The following FGD4 variants were observed in gnomAD, a reference collection of about 807,000 sequenced individuals.
FGD4 encodes FYVE, RhoGEF and PH domain-containing protein 4.
FGD4 carries 42 observed loss-of-function variants against 102.0 expected under a neutral mutation model. The ratio of observed to expected loss-of-function variants is 0.41; its 90% CI spans 0.32 to 0.53. The LOEUF is 0.53. Among genes scored for constraint, FGD4 ranks in the 20% least tolerant of loss-of-function variants. The probability of loss-of-function intolerance (pLI) is 0.21; values close to 1 mark genes in which losing one functional copy is unlikely to be tolerated. For missense variants in FGD4, 902 were observed against 1,078.2 expected (o/e 0.84, Z 2.29); for synonymous variants, 380 against 375.7 (o/e 1.01, Z -0.13).
At chr12:32,535,283 C>T (rs1942150186) in intron 1 of FGD4, among the ~76,000 whole-genome samples, 1 of 152,186 alleles carries the variant, frequency 6.6e-6, no homozygotes, top group South Asian at 2.1e-4. Context: ...ACAAGATAAA[C>T]TACAACTTAG....
chr12:32,602,083 A>C, intron 6 of FGD4, 78 bp from the exon 7 acceptor site: 1 of 1,336,462 alleles, frequency 7.5e-7, no homozygotes, highest in Non-Finnish European at 1.1e-6. Context: ...CCACTGCACT[A>C]CAGTCTGGGT....
chr12:32,508,529 C>T (rs1565786247), intron 1 of FGD4, among the ~76,000 whole-genome samples: 1 of 152,172 alleles, frequency 6.6e-6, no homozygotes, highest in African/African-American at 2.4e-5. Flanking sequence ...GCACAGAAAG[C>T]AAAACTTGGA....
Position 32,507,018 on chromosome 12 carries a change from T to C in FGD4, c.167-57119T>C, listed in dbSNP as rs531127607. 1.4e-3 allele frequency among the ~76,000 whole-genome samples: 207 copies of C among 151,928 alleles called. 1 individual carries two copies. The highest frequency in any genetic ancestry group is 4.8e-3 in the African/African-American group (198 of 41,456). ...TATGTATACATGTGTCATGCTGGTG[T>C]GCTGCACCCATTAACTCGTCATTTA... On this transcript the variant is annotated intron_variant, in intron 1 of 16. Coordinates refer to ENST00000534526, the MANE Select transcript of FGD4 (RefSeq NM_001370298.3).
At chr12:32,570,005 G>A (rs1482508535) in intron 2 of FGD4, among the ~76,000 whole-genome samples, 1 of 152,078 alleles carries the variant, frequency 6.6e-6, no homozygotes, top group East Asian at 1.9e-4. Context: ...CACTTTGGGA[G>A]GCCGAGGTGG....
At chr12:32,413,505 A>G (rs1591851631) in intron 1 of FGD4, among the ~76,000 whole-genome samples, 1 of 152,240 alleles carries the variant, frequency 6.6e-6, no homozygotes, top group South Asian at 2.1e-4. Context: ...CATAATTTTA[A>G]TACCACTGTT....
intron 1 of FGD4, among the ~76,000 whole-genome samples, chr12:32,495,342 T>G (rs553533955): frequency 6.6e-6 from 1 of 152,300 alleles, no homozygotes; most frequent in Non-Finnish European, 1.5e-5. Flanking sequence ...TTTCACTGGT[T>G]ATGCTTTGGT....
Position 32,599,548 on chromosome 12 carries a change from TTTTTTTTTTTTTTTTTG to T in FGD4, c.1101+963_1101+979del, listed in dbSNP as rs1307867036. Among the ~76,000 whole-genome samples, 48 of 57,558 alleles carry T rather than the reference TTTTTTTTTTTTTTTTTG, an allele frequency of 8.3e-4. 2 individuals carry two copies. Among genetic ancestry groups the T allele is most frequent in the South Asian group, 7.9e-3 (11 of 1,388 alleles). 37.8% of individuals were successfully genotyped at this position (57,558 alleles called of 152,430 possible). Reference sequence around the variant, plus strand: ...AACTAAGGCATCTTTTTTTTTTTTTTTTTTTTTTTTTTTTTTGGAGATGGAGTCTGGCCCTGTCGCCC... The same window carrying T: ...AACTAAGGCATCTTTTTTTTTTTTTTGAGATGGAGTCTGGCCCTGTCGCCC... On this transcript the variant is annotated intron_variant, in intron 5 of 16. Transcript: ENST00000534526.
intron 15 of FGD4, among the ~76,000 whole-genome samples, chr12:32,636,294 A>G (rs780208109): frequency 2.0e-5 from 3 of 151,976 alleles, no homozygotes; most frequent in Non-Finnish European, 4.4e-5. Flanking sequence ...TCCTAGCACC[A>G]AGGCTGAGGT....
intron 1 of FGD4, among the ~76,000 whole-genome samples, chr12:32,542,040 A>G (rs924358596): frequency 8.5e-5 from 13 of 152,164 alleles, no homozygotes; most frequent in Non-Finnish European, 1.5e-4. Context: ...CCTTGGAACA[A>G]ATGATAGTGT....
intron 1 of FGD4, among the ~76,000 whole-genome samples, chr12:32,559,660 G>A (rs182860742): frequency 2.1e-3 from 327 of 152,272 alleles, no homozygotes; most frequent in African/African-American, 7.0e-3. Context: ...TGGCACATTC[G>A]TGGGAGATAT....
At chr12:32,638,543 T>G in intron 15 of FGD4, 112 bp from the exon 16 acceptor site, 1 of 1,396,236 alleles carries the variant, frequency 7.2e-7, no homozygotes, top group Non-Finnish European at 9.9e-7. Flanking sequence ...TGCAAATGAA[T>G]CTTTTTTGGA....
chr12:32,424,435 G>A (rs1409930529), intron 1 of FGD4, among the ~76,000 whole-genome samples: 1 of 152,132 alleles, frequency 6.6e-6, no homozygotes, highest in Non-Finnish European at 1.5e-5. Context: ...ATTCCATGGT[G>A]TATATGTGTC....
At chr12:32,403,805 T>C (rs949788560) in intron 1 of FGD4, among the ~76,000 whole-genome samples, 8 of 152,018 alleles carry the variant, frequency 5.3e-5, no homozygotes, top group Admixed American at 3.3e-4. Flanking sequence ...CCTTGTTGGC[T>C]AGGATGGTCT....
intron 1 of FGD4, among the ~76,000 whole-genome samples, chr12:32,481,960 ATTGGGCAGT>A (rs1288698615): frequency 9.2e-5 from 14 of 152,242 alleles, no homozygotes; most frequent in Admixed American, 3.3e-4. Flanking sequence ...ATAAAGTTCA[ATTGGGCAGT>A]CTGCTTTAAA....
In FGD4 at chr12:32,641,297, A is replaced by AT. The variant is rs1455363156; in HGVS notation, c.*767dup. On this transcript the variant is annotated 3_prime_UTR_variant, in exon 17 of 17. Coordinates refer to ENST00000534526, the MANE Select transcript of FGD4 (RefSeq NM_001370298.3). ...GGTGATTTATGTTTTGCTGATTGGC[A>AT]TTTGAGGGTATTGATATTTTTATAA... 1 of 152,140 alleles carries AT rather than the reference A, an allele frequency of 6.6e-6. No individual in the cohort carries two copies. Among genetic ancestry groups the AT allele is most frequent in the Admixed American group, 6.6e-5 (1 of 15,266 alleles). 9.4% of individuals were successfully genotyped at this position (152,140 alleles called of 1,614,324 possible).
At chr12:32,592,015 G>A (rs1947513943) in intron 4 of FGD4, among the ~76,000 whole-genome samples, 1 of 152,076 alleles carries the variant, frequency 6.6e-6, no homozygotes, top group African/African-American at 2.4e-5. Context: ...CAATACTCTG[G>A]GAATCACCTT....
chr12:32,451,061 A>G (rs537634176), intron 1 of FGD4, among the ~76,000 whole-genome samples: 6 of 152,326 alleles, frequency 3.9e-5, no homozygotes, highest in African/African-American at 1.2e-4. Context: ...ATCTACAAGG[A>G]CTAGACTTCG....
intron 1 of FGD4, among the ~76,000 whole-genome samples, chr12:32,497,222 G>T (rs1937876230): frequency 6.6e-6 from 1 of 152,050 alleles, no homozygotes; most frequent in Non-Finnish European, 1.5e-5. Flanking sequence ...CATCAAATTA[G>T]GCTTTAGATT....
chr12:32,460,460 G>A (rs576223447), intron 1 of FGD4, among the ~76,000 whole-genome samples: 10 of 150,490 alleles, frequency 6.6e-5, no homozygotes, highest in East Asian at 3.9e-4. Flanking sequence ...AGCTGTGATC[G>A]TACCACTGCA....
Sources: allele counts gnomAD v4.1 joint callset (sites outside exome capture counted in the v4.1 genomes callset), GRCh38; gene constraint gnomAD v4.1.1; transcripts MANE v1.5; gene names NCBI Gene and HGNC (gene_info 2026-07-23, HGNC 2026-07-21).